The following ZNF423 variants were observed in gnomAD, a reference collection of about 807,000 sequenced individuals.
ZNF423 encodes zinc finger protein 423.
ZNF423 carries 12 observed loss-of-function variants against 95.8 expected under a neutral mutation model. The ratio of observed to expected loss-of-function variants is 0.13; its 90% CI spans 0.08 to 0.20. The LOEUF (loss-of-function observed/expected upper bound fraction) is 0.20. Among genes scored for constraint, ZNF423 ranks in the 10% least tolerant of loss-of-function variants. The probability of loss-of-function intolerance (pLI) is 1.00; values close to 1 mark genes in which losing one functional copy is unlikely to be tolerated. For synonymous variants in ZNF423, 749 were observed against 711.9 expected (o/e 1.05, Z -0.83); for missense variants, 1,316 against 1,737.1 (o/e 0.76, Z 4.31).
rs1251274100 is a variant in ZNF423, at chr16:49,635,602, G to A, written c.3516+58C>T. 4.0e-6 allele frequency: 6 copies of A among 1,497,634 alleles called. No individual in the cohort carries two copies. The highest frequency in any genetic ancestry group is 4.7e-5 in the East Asian group (2 of 42,756). 92.8% of individuals were successfully genotyped at this position (1,497,634 alleles called of 1,614,324 possible). On this transcript the variant is annotated intron_variant, in intron 4 of 7. Coordinates refer to ENST00000563137, the MANE Select transcript of ZNF423 (RefSeq NM_001379286.1). The surrounding 1 kb of genome is among the most constrained non-coding windows in gnomAD (Gnocchi z 4.8). ...CACTCAGGGTACGTGGCTCCTGTGG[G>A]GACCAGAGGAGCCCCAAGGAGAGGA...
chr16:49,707,499 C>A (rs1434910064), intron 3 of ZNF423, among the ~76,000 whole-genome samples: 1 of 151,774 alleles, frequency 6.6e-6, no homozygotes, highest in African/African-American at 2.4e-5. Context: ...CGCTTGTAAT[C>A]CCAGCTACTC....
rs556089941 is a variant in ZNF423 at position 49,822,653 on chromosome 16, A to T, written c.40+33082T>A. 33 of 1,605,380 alleles carry T rather than the reference A, an allele frequency of 2.1e-5. 1 individual carries two copies. In the East Asian group the frequency reaches 3.4e-4, roughly 17 times the overall value. ...TTCCCTTGCCCCACCCCTCAGCCCA[A>T]GGCCTCCCCTGCTCACCCCTCTTCT... is the stretch of plus-strand genomic sequence containing the variant. On this transcript the variant is annotated intron_variant, in intron 1 of 7. Coordinates refer to ENST00000563137, the MANE Select transcript of ZNF423 (RefSeq NM_001379286.1).
chr16:49,813,020 G>A (rs1202533517), intron 1 of ZNF423, among the ~76,000 whole-genome samples: 1 of 152,022 alleles, frequency 6.6e-6, no homozygotes, highest in East Asian at 1.9e-4. Flanking sequence ...ACACCACCAG[G>A]GGCACCCACA....
intron 5 of ZNF423, among the ~76,000 whole-genome samples, chr16:49,608,671 G>T (rs1246953837): frequency 1.3e-5 from 2 of 152,128 alleles, no homozygotes; most frequent in Non-Finnish European, 2.9e-5. Context: ...TGGCAACCCA[G>T]AAACACCAAC....
chr16:49,815,323 T>C (rs2143983778), intron 1 of ZNF423, among the ~76,000 whole-genome samples: 1 of 152,198 alleles, frequency 6.6e-6, no homozygotes, highest in African/African-American at 2.4e-5. Context: ...CACAAAGATC[T>C]CGATACGGGG....
At chr16:49,751,062 G>A (rs2033625426) in intron 2 of ZNF423, among the ~76,000 whole-genome samples, 1 of 152,202 alleles carries the variant, frequency 6.6e-6, no homozygotes, top group Admixed American at 6.5e-5. Flanking sequence ...GAAGGTGCTG[G>A]GAGAGCCCCT....
At chr16:49,630,584 C>T (rs1331493566) in intron 4 of ZNF423, among the ~76,000 whole-genome samples, 1 of 151,988 alleles carries the variant, frequency 6.6e-6, no homozygotes, top group Admixed American at 6.6e-5. Flanking sequence ...ATGACCACGT[C>T]CCCCCTCCAA....
chr16:49,588,306 T>C (rs1970904338), intron 5 of ZNF423, among the ~76,000 whole-genome samples: 1 of 152,134 alleles, frequency 6.6e-6, no homozygotes, highest in African/African-American at 2.4e-5. Flanking sequence ...GAGATGAACA[T>C]CTTCCTCCCA....
intron 1 of ZNF423, among the ~76,000 whole-genome samples, chr16:49,797,778 C>T (rs1453620044): frequency 6.6e-6 from 1 of 152,214 alleles, no homozygotes; most frequent in Non-Finnish European, 1.5e-5. Context: ...CAGGTAAGAT[C>T]GCCTGCCATT....
At position 49,490,959 on chromosome 16, in the gene ZNF423, T is replaced by C. The variant is rs552243104; in HGVS notation, c.*316A>G. On this transcript the variant is annotated 3_prime_UTR_variant, in exon 8 of 8. Coordinates refer to ENST00000563137, the MANE Select transcript of ZNF423 (RefSeq NM_001379286.1). ...AATTCTTTTTTAAAAACTATCAATATAATACATGAAGGAACAAAGGACAAT... is the reference window on the plus strand; with the variant it reads ...AATTCTTTTTTAAAAACTATCAATACAATACATGAAGGAACAAAGGACAAT... 2.9e-6 allele frequency: 1 copy of C among 339,294 alleles called. No individual in the cohort carries two copies. Among genetic ancestry groups the C allele is most frequent in the South Asian group, 8.5e-5 (1 of 11,716 alleles). The allele number at this position is 339,294 out of a possible 1,614,324, so 21.0% of individuals were successfully genotyped here. A position where few individuals can be genotyped will look rare whatever the true frequency, so the allele number is the denominator to read the frequency against.
chr16:49,666,122 C>G (rs989185510), intron 3 of ZNF423, among the ~76,000 whole-genome samples: 2 of 151,904 alleles, frequency 1.3e-5, no homozygotes, highest in African/African-American at 4.8e-5. Context: ...GGAATGCGGC[C>G]CCCCAGATCC....
At chr16:49,566,532 G>C (rs908030970) in intron 5 of ZNF423, among the ~76,000 whole-genome samples, 4 of 152,298 alleles carry the variant, frequency 2.6e-5, no homozygotes, top group Non-Finnish European at 2.9e-5. Context: ...ATGTGGAGCT[G>C]TGTGGTGGGG....
intron 3 of ZNF423, among the ~76,000 whole-genome samples, chr16:49,677,310 A>AGAGAAGAGAAGAGAAGAGAG (rs1567284136): frequency 1.3e-5 from 1 of 75,498 alleles, no homozygotes; most frequent in African/African-American, 5.2e-5. Context: ...AGAGAAGAGA[A>AGAGAAGAGAAGAGAAGAGAG]AGGAGGGGAA....
rs2151887215 is a variant in ZNF423 at position 49,638,424 on chromosome 16, G to T, written c.752C>A (p.Ala251Asp). ...CAGATGCTCCTTGTTCTTTTTGTGG[G>T]CCTGCATGTGGCTCTGCAGCGAGCT... ...STSSLQSHMQ[A>D]HKKNKEHLAK... is the part of the protein sequence containing the mutation. Residue 251 changes from alanine (A) to aspartate (D), a missense_variant, in exon 4 of 8, where the codon GCC (alanine) becomes GAC (aspartate). Physicochemically the swap from Ala to Asp is moderately radical, Grantham distance 126 (BLOSUM62 -2). Around this residue, in one of 6 missense-constraint regions of ZNF423, gnomAD observed 399 missense variants for 478.5 expected, o/e 0.83. Transcript: ENST00000563137. This position sits in a 1 kb window ranked among gnomAD's most constrained non-coding sequence, Gnocchi z 5.6. 6.2e-7 allele frequency: 1 copy of T among 1,613,922 alleles called. No individual in the cohort carries two copies. The highest frequency in any genetic ancestry group is 8.5e-7 in the Non-Finnish European group (1 of 1,180,040).
rs1567373476 is a variant in ZNF423 at position 49,855,201 on chromosome 16, C to CCGGGGCGCT, written c.40+533_40+534insAGCGCCCCG. ...CGCCCGGGGCGCTCGCCGACAGCGC[C>CCGGGGCGCT]CGCCGCTCCCCGCGTCCTCGGGCGA... On this transcript the variant is annotated intron_variant, in intron 1 of 7. Transcript: ENST00000563137. This position sits in a 1 kb window ranked among gnomAD's most constrained non-coding sequence, Gnocchi z 4.7. Among the ~76,000 whole-genome samples, 2 of 150,442 alleles carry CCGGGGCGCT rather than the reference C, an allele frequency of 1.3e-5. No homozygotes were observed. Among genetic ancestry groups the CCGGGGCGCT allele is most frequent in the East Asian group, 2.0e-4 (1 of 5,078 alleles).
At position 49,539,326 on chromosome 16, in the gene ZNF423, C is replaced by T. The variant is rs567496287; in HGVS notation, c.3602-13832G>A. On this transcript the variant is annotated intron_variant, in intron 5 of 7. Coordinates refer to ENST00000563137, the MANE Select transcript of ZNF423 (RefSeq NM_001379286.1). ...GTGACGCGGTGGGGCTGCATCTTCC[C>T]GGGAACCCCATACCACCTCAGCCAC... 4.6e-5 allele frequency among the ~76,000 whole-genome samples: 7 copies of T among 152,260 alleles called. No individual in the cohort carries two copies. In the South Asian group the frequency reaches 6.2e-4, roughly 14 times the overall value.
intron 5 of ZNF423, among the ~76,000 whole-genome samples, chr16:49,619,198 T>TC (rs1971976232): frequency 6.6e-6 from 1 of 152,158 alleles, no homozygotes; most frequent in Non-Finnish European, 1.5e-5. Context: ...AGCTCCCTTA[T>TC]CTTAGACTTG....
chr16:49,596,596 A>G (rs995634825), intron 5 of ZNF423, among the ~76,000 whole-genome samples: 1 of 152,240 alleles, frequency 6.6e-6, no homozygotes, highest in Non-Finnish European at 1.5e-5. Context: ...GGAAAATGCT[A>G]ATTTGTGTTT....
At chr16:49,694,989 C>T (rs1042402963) in intron 3 of ZNF423, among the ~76,000 whole-genome samples, 2 of 152,234 alleles carry the variant, frequency 1.3e-5, no homozygotes, top group African/African-American at 2.4e-5. Context: ...CAGCCTCTGG[C>T]TCCCACATCC....
Sources: allele counts gnomAD v4.1 joint callset (sites outside exome capture counted in the v4.1 genomes callset), GRCh38; gene constraint gnomAD v4.1.1; regional missense constraint gnomAD v4.1.1; non-coding constraint Gnocchi (gnomAD v3.1); transcripts MANE v1.5; gene names NCBI Gene and HGNC (gene_info 2026-07-23, HGNC 2026-07-21).